Variants in MYO1D observed in about 807,000 individuals in gnomAD.
MYO1D encodes myosin ID.
MYO1D carries 83 observed loss-of-function variants against 122.0 expected under a neutral mutation model. The observed-to-expected ratio is 0.68, with a 90% CI of 0.57 to 0.82. MYO1D has a LOEUF of 0.82. Ranked by LOEUF, MYO1D falls within the 40% of genes least tolerant of loss-of-function variation. The pLI is 0.00. For synonymous variants in MYO1D, 464 were observed against 446.9 expected (o/e 1.04, Z -0.48); for missense variants, 1,157 against 1,269.5 (o/e 0.91, Z 1.35).
chr17:32,702,017 A>G (rs1435077046), intron 16 of MYO1D, among the ~76,000 whole-genome samples: 1 of 152,258 alleles, frequency 6.6e-6, no homozygotes, highest in Non-Finnish European at 1.5e-5. Context: ...GCTGTCTAAC[A>G]TCATTGCTTA....
intron 20 of MYO1D, among the ~76,000 whole-genome samples, chr17:32,633,782 A>G (rs941801094): frequency 1.3e-5 from 2 of 152,044 alleles, no homozygotes; most frequent in African/African-American, 4.8e-5. Context: ...AAGTACACGT[A>G]CGGTTCATTC....
intron 19 of MYO1D, among the ~76,000 whole-genome samples, chr17:32,649,534 C>T (rs2088354967): frequency 6.6e-6 from 1 of 150,560 alleles, no homozygotes; most frequent in African/African-American, 2.4e-5. Context: ...GGCTTTTTAT[C>T]CATTGTATGG....
intron 1 of MYO1D, among the ~76,000 whole-genome samples, chr17:32,845,322 T>TA (rs1172392070): frequency 6.6e-6 from 1 of 152,206 alleles, no homozygotes; most frequent in African/African-American, 2.4e-5. Context: ...CCTCTAGGTT[T>TA]ACCCCTGCCT....
At chr17:32,526,776 C>T (rs771444284) in intron 21 of MYO1D, among the ~76,000 whole-genome samples, 3 of 152,190 alleles carry the variant, frequency 2.0e-5, no homozygotes, top group Non-Finnish European at 4.4e-5. Flanking sequence ...CTTCAGCTTC[C>T]CAAAGTGCTG....
At chr17:32,647,726 T>C (rs2088316915) in intron 19 of MYO1D, among the ~76,000 whole-genome samples, 1 of 151,026 alleles carries the variant, frequency 6.6e-6, no homozygotes, top group Admixed American at 6.6e-5. Flanking sequence ...GTGAATCTGG[T>C]TAGCAAAAGT....
At chr17:32,723,245 T>C (rs979152414) in intron 14 of MYO1D, among the ~76,000 whole-genome samples, 4 of 152,152 alleles carry the variant, frequency 2.6e-5, no homozygotes, top group Admixed American at 2.6e-4. Context: ...AAGTTATATA[T>C]AAGGGCAGGT....
chr17:32,673,089 A>ATT (rs2088745430), intron 16 of MYO1D, among the ~76,000 whole-genome samples: 2 of 28,630 alleles, frequency 7.0e-5, no homozygotes, highest in East Asian at 6.9e-4. Flanking sequence ...TAAACATGCT[A>ATT]CTTTTTTTTT....
At chr17:32,838,543 G>A (rs1161321392) in intron 1 of MYO1D, among the ~76,000 whole-genome samples, 1 of 152,134 alleles carries the variant, frequency 6.6e-6, no homozygotes, top group Admixed American at 6.5e-5. Context: ...ATGGAGACAA[G>A]TAAACAGACA....
chr17:32,533,945 T>C (rs1910586270), intron 21 of MYO1D, among the ~76,000 whole-genome samples: 1 of 152,184 alleles, frequency 6.6e-6, no homozygotes, highest in South Asian at 2.1e-4. Flanking sequence ...TGCATAAAGT[T>C]TTCTGTTAAT....
intron 19 of MYO1D, among the ~76,000 whole-genome samples, 180 bp downstream of exon 19, chr17:32,653,663 A>C (rs551720841): frequency 6.6e-6 from 1 of 151,960 alleles, no homozygotes; most frequent in African/African-American, 2.4e-5. Flanking sequence ...TTTATAGCCT[A>C]ACTGTAAAGT....
chr17:32,503,887 T>G lies in MYO1D; in HGVS notation c.2865-8972A>C, dbSNP rs557530622. ...TGTCAAACCACACAGGGAATCTCTT[T>G]CAAAATCTTGCTTTAGGAAATGCCA... On this transcript the variant is annotated intron_variant, in intron 21 of 21. Transcript: ENST00000318217. 2.6e-5 allele frequency among the ~76,000 whole-genome samples: 4 copies of G among 152,274 alleles called. No individual in the cohort carries two copies. In the East Asian group the frequency reaches 7.7e-4, roughly 29 times the overall value.
chr17:32,757,700 C>T (rs948702525), intron 10 of MYO1D, among the ~76,000 whole-genome samples: 5 of 151,984 alleles, frequency 3.3e-5, no homozygotes, highest in Non-Finnish European at 5.9e-5. Context: ...CCCTAAAATC[C>T]CAATTATATT....
chr17:32,754,823 C>CATATTCCATGCAAATGGA (rs143683835), intron 11 of MYO1D, among the ~76,000 whole-genome samples: 1 of 152,296 alleles, frequency 6.6e-6, no homozygotes, highest in East Asian at 1.9e-4. Context: ...TAATAGCAAA[C>CATATTCCATGCAAATGGA]ATATTCCATG....
At chr17:32,632,586 TACACACACACAC>T (rs71144846) in intron 20 of MYO1D, 26 of 96,602 alleles carry the variant, frequency 2.7e-4, no homozygotes, top group Middle Eastern at 5.6e-3. Flanking sequence ...TATATATATA[TACACACACACAC>T]ACACACACAC....
intron 21 of MYO1D, among the ~76,000 whole-genome samples, chr17:32,523,920 G>A (rs1468554590): frequency 1.3e-5 from 2 of 152,158 alleles, no homozygotes; most frequent in Non-Finnish European, 1.5e-5. Flanking sequence ...AGTTTCCTCA[G>A]CCATGAAATG....
intron 21 of MYO1D, among the ~76,000 whole-genome samples, chr17:32,587,644 G>A (rs899489035): frequency 6.6e-6 from 1 of 152,094 alleles, no homozygotes; most frequent in Admixed American, 6.5e-5. Flanking sequence ...AATTTTTGTT[G>A]GACGAACTAG....
rs929307475 is a variant in MYO1D, at chr17:32,494,052, G to A, written c.*707C>T. The A allele has an allele frequency of 2.2e-4, 34 of 152,332 alleles. 1 individual carries two copies. The highest frequency in any genetic ancestry group is 2.2e-3 in the Admixed American group (34 of 15,290). 9.4% of individuals were successfully genotyped at this position (152,332 alleles called of 1,614,324 possible). The stretch of plus-strand genomic sequence containing the variant: ...CTGCGAGTTAAGTAAGATGATCCTT[G>A]GAGCATGCCACACTGTCCTCTCCAG... On this transcript the variant is annotated 3_prime_UTR_variant, in exon 22 of 22. Coordinates refer to ENST00000318217, the MANE Select transcript of MYO1D (RefSeq NM_015194.3).
intron 21 of MYO1D, among the ~76,000 whole-genome samples, chr17:32,519,557 A>C (rs1910035568): frequency 6.6e-6 from 1 of 151,814 alleles, no homozygotes; most frequent in African/African-American, 2.4e-5. Context: ...GGCTGAAACG[A>C]AGCCGCTGCC....
Position 32,714,860 on chromosome 17 carries a change from CAG to C in MYO1D, c.1914-2667_1914-2666del, listed in dbSNP as rs2089423047. Reference sequence around the variant, plus strand: ...TCTACACAACAAACGAAATTATCATCAGAGTGAACAGACAACTTACAGAATGG... The same window carrying C: ...TCTACACAACAAACGAAATTATCATCAGTGAACAGACAACTTACAGAATGG... On this transcript the variant is annotated intron_variant, in intron 15 of 21. Transcript: ENST00000318217. 2.0e-5 allele frequency among the ~76,000 whole-genome samples: 3 copies of C among 152,218 alleles called. No individual in the cohort carries two copies. In the South Asian group the frequency reaches 6.2e-4, roughly 32 times the overall value.
Sources: gnomAD v4.1 joint callset for allele counts (sites outside exome capture counted in the v4.1 genomes callset) on GRCh38, gnomAD v4.1.1 for gene constraint, MANE v1.5 for transcripts, NCBI Gene and HGNC (gene_info 2026-07-23, HGNC 2026-07-21) for gene names.